FMN2: variants seen among roughly 807,000 people sequenced by gnomAD.
FMN2 encodes formin 2, also known as formin-2.
A neutral mutation model predicts 142.3 loss-of-function variants in FMN2; 51 were observed. The ratio of observed to expected loss-of-function variants is 0.36; its 90% CI spans 0.29 to 0.45. The LOEUF (loss-of-function observed/expected upper bound fraction) is 0.45, where lower values mean the gene tolerates loss of function less well. FMN2 is among the 20% of genes least tolerant of loss of function. The pLI is 1.00. For synonymous variants in FMN2, 882 were observed against 869.8 expected (o/e 1.01, Z -0.25); for missense variants, 1,936 against 2,122.8 (o/e 0.91, Z 1.73).
At chr1:240,361,001 T>C (rs761381186) in intron 14 of FMN2, among the ~76,000 whole-genome samples, 2 of 151,320 alleles carry the variant, frequency 1.3e-5, no homozygotes, top group Non-Finnish European at 2.9e-5. Flanking sequence ...GGGATAGCAT[T>C]AGGAGATATA....
chr1:240,233,551 T>C (rs1667599816), intron 6 of FMN2, among the ~76,000 whole-genome samples: 1 of 152,178 alleles, frequency 6.6e-6, no homozygotes, highest in African/African-American at 2.4e-5. Flanking sequence ...TTCTGAAGAC[T>C]CATGCTGAGT....
chr1:240,174,601 A>G (rs903757960), intron 2 of FMN2, among the ~76,000 whole-genome samples: 5 of 152,112 alleles, frequency 3.3e-5, no homozygotes, highest in African/African-American at 1.2e-4. Flanking sequence ...CCTGGGCTCA[A>G]GCAATTTACC....
intron 14 of FMN2, among the ~76,000 whole-genome samples, chr1:240,365,278 C>T (rs944267473): frequency 8.1e-6 from 1 of 124,076 alleles, no homozygotes; most frequent in South Asian, 2.6e-4. Context: ...TATATACATA[C>T]ATATGTGTGT....
chr1:240,414,456 A>G (rs1674512885), intron 15 of FMN2, among the ~76,000 whole-genome samples: 1 of 152,248 alleles, frequency 6.6e-6, no homozygotes, highest in Non-Finnish European at 1.5e-5. Flanking sequence ...TTTGTGAGTA[A>G]TAGTCTGCTC....
At chr1:240,406,125 A>G (rs1202649542) in intron 15 of FMN2, among the ~76,000 whole-genome samples, 1 of 82,500 alleles carries the variant, frequency 1.2e-5, no homozygotes, top group Non-Finnish European at 2.3e-5. Flanking sequence ...GAAGGGAATC[A>G]GCCTCGGGAG....
chr1:240,454,558 T>C (rs897714107), intron 16 of FMN2, among the ~76,000 whole-genome samples: 4 of 152,082 alleles, frequency 2.6e-5, no homozygotes, highest in African/African-American at 9.7e-5. Flanking sequence ...AAAGAATAAA[T>C]ATATATGGCT....
rs779845544 is a variant in FMN2, at chr1:240,092,993, C to A, written c.884C>A (p.Ser295Tyr). Residue 295 changes from serine (S) to tyrosine (Y), a missense_variant, in exon 1 of 18, where the codon TCC (serine) becomes TAC (tyrosine). Physicochemically the swap from Ser to Tyr is moderately radical, Grantham distance 144. Coordinates refer to ENST00000319653, the MANE Select transcript of FMN2 (RefSeq NM_020066.5). Reference sequence around the variant, plus strand: ...CCCCGGGAGCCCCAGCAACCGCCGTCCCCCGGCGGCCTCCCGGTCTCCGAG... The same window carrying A: ...CCCCGGGAGCCCCAGCAACCGCCGTACCCCGGCGGCCTCCCGGTCTCCGAG... ...AEPREPQQPPSPGGLPVSEAP... is the reference protein window; with the variant it reads ...AEPREPQQPPYPGGLPVSEAP... 69 of 1,401,374 alleles carry A rather than the reference C, an allele frequency of 4.9e-5. No individual in the cohort carries two copies. Among genetic ancestry groups the A allele is most frequent in the Non-Finnish European group, 6.3e-5 (69 of 1,087,012 alleles). 86.8% of individuals were successfully genotyped at this position (1,401,374 alleles called of 1,614,324 possible). A position where few individuals can be genotyped will look rare whatever the true frequency, so the allele number is the denominator to read the frequency against.
At position 240,093,321 on chromosome 1, in the gene FMN2, C is replaced by T. The variant is rs765727440; in HGVS notation, c.1212C>T (p.Ser404=). 3.1e-6 allele frequency: 5 copies of T among 1,611,458 alleles called. No homozygotes were observed. The highest frequency in any genetic ancestry group is 4.2e-6 in the Non-Finnish European group (5 of 1,179,014). The change falls in exon 1 of 18, where the codon AGC becomes AGT. Residue 404 remains serine (S), a synonymous_variant. Coordinates refer to ENST00000319653, the MANE Select transcript of FMN2 (RefSeq NM_020066.5). ...AASLPGSPAP[S]QRCFKPYPLI... ...CCCTGCCCGGCAGCCCCGCGCCTAG[C>T]CAGCGCTGTTTCAAGCCCTACCCGC...
At chr1:240,381,804 T>G (rs547787808) in intron 14 of FMN2, among the ~76,000 whole-genome samples, 2 of 152,254 alleles carry the variant, frequency 1.3e-5, no homozygotes, top group East Asian at 3.9e-4. Flanking sequence ...CTCAACAAAG[T>G]AGACATTGAA....
At chr1:240,465,913 A>C (rs1397206238) in intron 16 of FMN2, among the ~76,000 whole-genome samples, 1 of 152,136 alleles carries the variant, frequency 6.6e-6, no homozygotes, top group Non-Finnish European at 1.5e-5. Context: ...TCATCTCACA[A>C]ACCATTTTTA....
chr1:240,328,103 G>A (rs750448354), intron 8 of FMN2, among the ~76,000 whole-genome samples: 3 of 136,394 alleles, frequency 2.2e-5, no homozygotes, highest in South Asian at 2.3e-4. Flanking sequence ...AGCAGATGTG[G>A]CGCCATTGTA....
chr1:240,171,321 C>T (rs1664693699), intron 2 of FMN2: 7 of 689,014 alleles, frequency 1.0e-5, no homozygotes, highest in Admixed American at 2.0e-5. Context: ...AGCGTCCATC[C>T]TGTCGTGATG....
intron 15 of FMN2, among the ~76,000 whole-genome samples, chr1:240,405,747 C>T (rs774129001): frequency 2.6e-5 from 4 of 152,070 alleles, no homozygotes; most frequent in Non-Finnish European, 1.5e-5. Flanking sequence ...TAAATTGAGT[C>T]TACAATCATT....
chr1:240,435,385 TA>T lies in FMN2; in HGVS notation c.4911-2663del, dbSNP rs569151164. Among the ~76,000 whole-genome samples the T allele has an allele frequency of 3.3e-3, 472 of 140,936 alleles. 1 individual carries two copies. Among genetic ancestry groups the T allele is most frequent in the African/African-American group, 4.3e-3 (168 of 38,650 alleles). 92.5% of individuals were successfully genotyped at this position (140,936 alleles called of 152,430 possible). A position where few individuals can be genotyped will look rare whatever the true frequency, so the allele number is the denominator to read the frequency against. On this transcript the variant is annotated intron_variant, in intron 15 of 17. Coordinates refer to ENST00000319653, the MANE Select transcript of FMN2 (RefSeq NM_020066.5). ...AGAAGCTTTTGTGCCTACTGGTAAC[TA>T]AAAAAAAAAAAATCTTCAGAGAACA...
At chr1:240,247,457 G>C (rs745559610) in intron 6 of FMN2, among the ~76,000 whole-genome samples, 1 of 150,912 alleles carries the variant, frequency 6.6e-6, no homozygotes, top group South Asian at 2.1e-4. Flanking sequence ...AGCTGAGATC[G>C]TGCCATTGCA....
At chr1:240,274,921 AT>A (rs1490916648) in intron 7 of FMN2, among the ~76,000 whole-genome samples, 1 of 152,094 alleles carries the variant, frequency 6.6e-6, no homozygotes, top group Non-Finnish European at 1.5e-5. Flanking sequence ...AAGATCAGCA[AT>A]TCCAGGTCAG....
chr1:240,186,547 G>C (rs1396149402), intron 3 of FMN2, among the ~76,000 whole-genome samples: 3 of 152,242 alleles, frequency 2.0e-5, no homozygotes, highest in African/African-American at 7.2e-5. Context: ...GTGCCAAGGA[G>C]TGGGTGGGGT....
Position 240,227,750 on chromosome 1 carries a change from A to G in FMN2, c.4065+16515A>G, listed in dbSNP as rs565880017. Among the ~76,000 whole-genome samples the G allele has an allele frequency of 8.5e-5, 13 of 152,306 alleles. No homozygotes were observed. In the South Asian group the frequency reaches 1.7e-3, roughly 19 times the overall value. The stretch of plus-strand genomic sequence containing the variant: ...TGGGACAACTGTATATCCACATGCA[A>G]AAGAATGAGATTAGGCAATGGTTTC... On this transcript the variant is annotated intron_variant, in intron 6 of 17. Coordinates refer to ENST00000319653, the MANE Select transcript of FMN2 (RefSeq NM_020066.5).
intron 16 of FMN2, among the ~76,000 whole-genome samples, chr1:240,450,258 T>C (rs1469267627): frequency 6.6e-6 from 1 of 152,206 alleles, no homozygotes; most frequent in African/African-American, 2.4e-5. Flanking sequence ...TAATTATAAC[T>C]ATAATTTATT....
Sources: allele counts gnomAD v4.1 joint callset (sites outside exome capture counted in the v4.1 genomes callset), GRCh38; gene constraint gnomAD v4.1.1; transcripts MANE v1.5; gene names NCBI Gene and HGNC (gene_info 2026-07-23, HGNC 2026-07-21).